The following NEK5 variants were observed in gnomAD, a reference collection of about 807,000 sequenced individuals.
NEK5 encodes serine/threonine-protein kinase Nek5.
In NEK5, 88 loss-of-function variants were observed where a neutral mutation model predicts 109.2. The observed-to-expected ratio is 0.81, with a 90% CI of 0.68 to 0.96. The LOEUF (loss-of-function observed/expected upper bound fraction) is 0.96, where lower values mean the gene tolerates loss of function less well. Among genes scored for constraint, NEK5 ranks in the 40% least tolerant of loss-of-function variants. NEK5 has a pLI of 0.00. For synonymous variants in NEK5, 283 were observed against 299.9 expected, an observed-to-expected ratio of 0.94 and a Z score of 0.58; for missense variants, 834 against 920.7, an observed-to-expected ratio of 0.91 and a Z score of 1.22.
intron 22 of NEK5, among the ~76,000 whole-genome samples, chr13:52,054,508 C>T (rs1954535443): frequency 6.6e-6 from 1 of 152,144 alleles, no homozygotes; most frequent in South Asian, 2.1e-4. Flanking sequence ...ATTAGGTTTT[C>T]CAAAAAGACA....
At position 52,034,065 on chromosome 13, in the gene NEK5, A is replaced by AAAT. The variant is rs566931935; in HGVS notation, c.*2880_*2882dup. 3.0e-4 allele frequency: 45 copies of AAAT among 152,358 alleles called. No individual in the cohort carries two copies. Among genetic ancestry groups the AAAT allele is most frequent in the African/African-American group, 8.7e-4 (36 of 41,586 alleles). The allele number at this position is 152,358 out of a possible 1,614,324, so 9.4% of individuals were successfully genotyped here. A position where few individuals can be genotyped will look rare whatever the true frequency, so the allele number is the denominator to read the frequency against. ...CTATGTGCTCAGTTGTACTATATGC[A>AAAT]AATGTTACTAGACACAGAGGAGGTC... On this transcript the variant is annotated 3_prime_UTR_variant, in exon 24 of 24. Transcript: ENST00000684899.
intron 21 of NEK5, among the ~76,000 whole-genome samples, chr13:52,063,362 G>C (rs1204608776): frequency 6.6e-6 from 1 of 152,244 alleles, no homozygotes; most frequent in African/African-American, 2.4e-5. Flanking sequence ...GACGGAGTCT[G>C]GTTCACTCAG....
chr13:52,123,451 G>A (rs189357777), intron 3 of NEK5, among the ~76,000 whole-genome samples: 82 of 152,290 alleles, frequency 5.4e-4, no homozygotes, highest in African/African-American at 1.6e-3. Flanking sequence ...TTTTTATAGA[G>A]ATTCACCTCT....
At chr13:52,071,730 A>G (rs1414333137) in intron 20 of NEK5, among the ~76,000 whole-genome samples, 1 of 152,112 alleles carries the variant, frequency 6.6e-6, no homozygotes, top group Non-Finnish European at 1.5e-5. Context: ...TGCAAGAGGG[A>G]GTGGGTATGG....
rs898457345 is a variant in NEK5, at chr13:52,054,682, G to C, written c.2111-4461C>G. On this transcript the variant is annotated intron_variant, in intron 22 of 23. Coordinates refer to ENST00000684899, the MANE Select transcript of NEK5 (RefSeq NM_001365552.1). Reference sequence around the variant, plus strand: ...CCTAACTGGGAGGCACCCCCCAGCAGGGGCAGACTGACACCTCACACGGCC... The same window carrying C: ...CCTAACTGGGAGGCACCCCCCAGCACGGGCAGACTGACACCTCACACGGCC... Among the ~76,000 whole-genome samples the C allele has an allele frequency of 4.6e-4, 69 of 150,956 alleles. 1 individual carries two copies. Among genetic ancestry groups the C allele is most frequent in the African/African-American group, 1.5e-3 (64 of 41,396 alleles).
At chr13:52,076,283 C>A (rs1162055877) in intron 17 of NEK5, 140 bp from the exon 18 acceptor site, 1 of 538,444 alleles carries the variant, frequency 1.9e-6, no homozygotes, top group Non-Finnish European at 3.3e-6. Context: ...AAAACTTGGG[C>A]AGAGTATCCA....
At chr13:52,037,369 G>T (rs1326577051) in intron 23 of NEK5, among the ~76,000 whole-genome samples, 151 bp from the exon 24 acceptor site, 6 of 152,088 alleles carry the variant, frequency 3.9e-5, no homozygotes, top group Non-Finnish European at 7.4e-5. Flanking sequence ...AACAGCTAAT[G>T]TTGGGAGAAT....
chr13:52,038,522 A>G (rs1208857990), intron 23 of NEK5, among the ~76,000 whole-genome samples: 1 of 152,200 alleles, frequency 6.6e-6, no homozygotes, highest in Admixed American at 6.5e-5. Flanking sequence ...AGCAGGAGCC[A>G]ATGTACAGTG....
At chr13:52,079,379 C>G (rs1314711762) in intron 17 of NEK5, among the ~76,000 whole-genome samples, 1 of 151,488 alleles carries the variant, frequency 6.6e-6, no homozygotes, top group African/African-American at 2.4e-5. Flanking sequence ...GCTGCCATCT[C>G]GGCTCACTGC....
chr13:52,082,542 T>C (rs541922026), intron 17 of NEK5, among the ~76,000 whole-genome samples: 43 of 152,344 alleles, frequency 2.8e-4, no homozygotes, highest in African/African-American at 9.9e-4. Context: ...CAGATTCATC[T>C]TGTATTATAA....
chr13:52,059,568 T>C (rs1303283277), intron 22 of NEK5, among the ~76,000 whole-genome samples: 2 of 151,062 alleles, frequency 1.3e-5, no homozygotes. Flanking sequence ...TGTCCAACAA[T>C]GATAGACTGG....
intron 23 of NEK5, among the ~76,000 whole-genome samples, chr13:52,048,484 T>A (rs1419244971): frequency 6.6e-6 from 1 of 151,902 alleles, no homozygotes; most frequent in Admixed American, 6.6e-5. Context: ...GTGGTACCTA[T>A]GCCATAAACA....
chr13:52,053,005 GACATGGTGGC>G (rs1415685101), intron 22 of NEK5, among the ~76,000 whole-genome samples: 1 of 152,156 alleles, frequency 6.6e-6, no homozygotes, highest in African/African-American at 2.4e-5. Context: ...AAAGTTGGAG[GACATGGTGGC>G]TCAGGCTGGG....
At chr13:52,074,291 A>G (rs1377479762) in intron 19 of NEK5, among the ~76,000 whole-genome samples, 2 of 152,134 alleles carry the variant, frequency 1.3e-5, no homozygotes, top group African/African-American at 2.4e-5. Flanking sequence ...AAACACATAA[A>G]CCAAGGAACA....
Position 52,071,924 on chromosome 13 carries a change from A to T in NEK5, c.1849+20T>A, listed in dbSNP as rs1478161027. On this transcript the variant is annotated intron_variant, in intron 20 of 23. Transcript: ENST00000684899. Reference sequence around the variant, plus strand: ...AATAAAACAGTTCCTTCTCATTTACAACTTTCAAGAAACACATACCTGCTT... The same window carrying T: ...AATAAAACAGTTCCTTCTCATTTACTACTTTCAAGAAACACATACCTGCTT... 6.2e-7 allele frequency: 1 copy of T among 1,611,328 alleles called. No individual in the cohort carries two copies. Among genetic ancestry groups the T allele is most frequent in the Non-Finnish European group, 8.5e-7 (1 of 1,178,042 alleles).
intron 20 of NEK5, among the ~76,000 whole-genome samples, chr13:52,066,946 CA>C (rs1954701137): frequency 6.6e-6 from 1 of 151,860 alleles, no homozygotes; most frequent in South Asian, 2.1e-4. Context: ...AACTGTTAAC[CA>C]ATTGGCCCAG....
At chr13:52,092,838 A>T (rs960144772) in intron 13 of NEK5, among the ~76,000 whole-genome samples, 21 of 152,210 alleles carry the variant, frequency 1.4e-4, no homozygotes, top group African/African-American at 4.6e-4. Flanking sequence ...GTGAGCTGAG[A>T]TTGCGCCACC....
chr13:52,104,440 T>G, intron 9 of NEK5, 58 bp downstream of exon 9: 1 of 1,206,610 alleles, frequency 8.3e-7, no homozygotes, highest in East Asian at 2.3e-5. Flanking sequence ...TCCCAGAAGT[T>G]AATTTCTTTT....
chr13:52,101,348 A>C (rs1330978922), intron 11 of NEK5, among the ~76,000 whole-genome samples: 2 of 152,054 alleles, frequency 1.3e-5, no homozygotes, highest in African/African-American at 4.8e-5. Context: ...TGCAGTGAGC[A>C]GAGATCGCGC....
Sources: gnomAD v4.1 joint callset for allele counts (sites outside exome capture counted in the v4.1 genomes callset) on GRCh38, gnomAD v4.1.1 for gene constraint, MANE v1.5 for transcripts, NCBI Gene and HGNC (gene_info 2026-07-23, HGNC 2026-07-21) for gene names.